ASTN1: variants seen among roughly 807,000 people sequenced by gnomAD.
ASTN1 encodes astrotactin 1.
Under a neutral mutation model 140.7 loss-of-function variants are expected in ASTN1, and 41 were observed. The ratio of observed to expected loss-of-function variants is 0.29; its 90% CI spans 0.23 to 0.38. ASTN1 has a LOEUF of 0.38. Among genes scored for constraint, ASTN1 ranks in the 10% least tolerant of loss-of-function variants. ASTN1 has a pLI of 1.00. For missense variants in ASTN1, 1,479 were observed against 1,678.8 expected, an observed-to-expected ratio of 0.88 and a Z score of 2.08; for synonymous variants, 640 against 652.2, an observed-to-expected ratio of 0.98 and a Z score of 0.29.
Position 177,111,345 on chromosome 1 carries a change from A to G in ASTN1, c.284-50080T>C, listed in dbSNP as rs539409481. The stretch of plus-strand genomic sequence containing the variant: ...AATTGAGAGAGGCAATACCGATGTC[A>G]CCTAAAGCAGTGCTTCTCAGTCTTT... On this transcript the variant is annotated intron_variant, in intron 1 of 22. Transcript: ENST00000361833. 2.6e-5 allele frequency among the ~76,000 whole-genome samples: 4 copies of G among 152,290 alleles called. No homozygotes were observed. In the East Asian group the frequency reaches 7.7e-4, roughly 29 times the overall value.
chr1:176,903,651 T>C (rs965822384), intron 16 of ASTN1, among the ~76,000 whole-genome samples: 1 of 152,212 alleles, frequency 6.6e-6, no homozygotes, highest in Non-Finnish European at 1.5e-5. Context: ...TCCTTTTTGA[T>C]TCACCAGATG....
chr1:177,005,865 T>C (rs1051718243), intron 8 of ASTN1, among the ~76,000 whole-genome samples: 1 of 152,232 alleles, frequency 6.6e-6, no homozygotes, highest in Non-Finnish European at 1.5e-5. Flanking sequence ...CGCCTTGACC[T>C]CCCAAAGCGC....
chr1:176,888,647 C>A (rs2103032529), intron 17 of ASTN1, among the ~76,000 whole-genome samples: 1 of 152,314 alleles, frequency 6.6e-6, no homozygotes, highest in South Asian at 2.1e-4. Flanking sequence ...CCAGTATTCC[C>A]TTTGCATTCC....
chr1:177,096,852 T>C (rs1465131016), intron 1 of ASTN1, among the ~76,000 whole-genome samples: 2 of 152,146 alleles, frequency 1.3e-5, no homozygotes, highest in Non-Finnish European at 2.9e-5. Flanking sequence ...CATAGTAGTA[T>C]GAAAATGGAC....
intron 1 of ASTN1, among the ~76,000 whole-genome samples, chr1:177,097,476 T>A (rs1680079813): frequency 6.6e-6 from 1 of 152,338 alleles, no homozygotes; most frequent in South Asian, 2.1e-4. Context: ...AGTATCAATT[T>A]CCTCATCTGA....
At chr1:176,972,364 T>G (rs1052817937) in intron 8 of ASTN1, among the ~76,000 whole-genome samples, 1 of 152,230 alleles carries the variant, frequency 6.6e-6, no homozygotes, top group Non-Finnish European at 1.5e-5. Flanking sequence ...GGTGGCCAGC[T>G]GCAGTCATTT....
intron 16 of ASTN1, among the ~76,000 whole-genome samples, chr1:176,915,765 G>C (rs972439742): frequency 2.0e-5 from 3 of 152,144 alleles, no homozygotes; most frequent in Non-Finnish European, 4.4e-5. Flanking sequence ...AGGAGAGGGA[G>C]GGCACGATAA....
At chr1:176,904,461 A>G (rs931088828) in intron 16 of ASTN1, among the ~76,000 whole-genome samples, 3 of 152,114 alleles carry the variant, frequency 2.0e-5, no homozygotes, top group African/African-American at 7.2e-5. Flanking sequence ...ACAGAGCAGC[A>G]TGGGGAGAGG....
At position 176,861,733 on chromosome 1, in the gene ASTN1, A is replaced by G. The variant is rs1667969588; in HGVS notation, c.*2551T>C. The G allele has an allele frequency of 3.0e-6, 3 of 985,494 alleles. No homozygotes were observed. Among genetic ancestry groups the G allele is most frequent in the Non-Finnish European group, 3.6e-6 (3 of 830,004 alleles). The allele number at this position is 985,494 out of a possible 1,614,324, so 61.0% of individuals were successfully genotyped here. On this transcript the variant is annotated 3_prime_UTR_variant, in exon 23 of 23. Transcript: ENST00000361833. ...ACACACATTCAGTGGGGAGAACTCA[A>G]CGAGAAACAGGAGGAAGAAAGTCTT...
chr1:176,940,013 G>T lies in ASTN1; in HGVS notation c.2378-3643C>A, dbSNP rs139729800. ...TGAAGCCAAGAGTCCATCCCCTTTG[G>T]ATGAACTTTAAAAAATTCTGAAGAG... On this transcript the variant is annotated intron_variant, in intron 14 of 22. Coordinates refer to ENST00000361833, the MANE Select transcript of ASTN1 (RefSeq NM_004319.3). 3.2e-3 allele frequency among the ~76,000 whole-genome samples: 480 copies of T among 152,120 alleles called. 2 individuals carry two copies. The highest frequency in any genetic ancestry group is 0.011 in the African/African-American group (459 of 41,472).
At chr1:177,041,994 A>G (rs555975465) in intron 2 of ASTN1, among the ~76,000 whole-genome samples, 3 of 152,362 alleles carry the variant, frequency 2.0e-5, no homozygotes, top group African/African-American at 7.2e-5. Flanking sequence ...TAAACAGCCT[A>G]TAACATAGTT....
intron 1 of ASTN1, among the ~76,000 whole-genome samples, chr1:177,085,202 C>G (rs1292344611): frequency 6.6e-6 from 1 of 152,182 alleles, no homozygotes; most frequent in African/African-American, 2.4e-5. Context: ...TGCTCCTAAT[C>G]ATCTAAATAT....
intron 1 of ASTN1, among the ~76,000 whole-genome samples, chr1:177,109,353 T>G (rs1057270119): frequency 6.6e-6 from 1 of 152,080 alleles, no homozygotes; most frequent in Non-Finnish European, 1.5e-5. Context: ...TTGTGATAAA[T>G]TGTTAGAAGA....
At chr1:176,946,252 A>G (rs945834528) in intron 12 of ASTN1, 132 bp from the exon 13 acceptor site, 1 of 901,346 alleles carries the variant, frequency 1.1e-6, no homozygotes, top group South Asian at 2.5e-5. Context: ...TCCAAGTTAT[A>G]TTCCAATTTG....
chr1:176,947,727 C>A (rs1672015274), intron 12 of ASTN1, among the ~76,000 whole-genome samples: 1 of 152,164 alleles, frequency 6.6e-6, no homozygotes, highest in Non-Finnish European at 1.5e-5. Context: ...CCTTGAACAT[C>A]TGGACAGCTT....
Position 176,894,644 on chromosome 1 carries a change from T to C in ASTN1, c.2858A>G (p.Asp953Gly). ...CPLCHVTSSPDTPAEPVLLEV... is the reference protein window; with the variant it reads ...CPLCHVTSSPGTPAEPVLLEV... ...CAGCAGAACCGGCTCAGCAGGGGTG[T>C]CAGGGCTGGATGTCACATGACACAG... Residue 953 changes from aspartate to glycine, a missense_variant, in exon 17 of 23, where the codon GAC becomes GGC. Physicochemically the swap from Asp to Gly is moderately conservative, Grantham distance 94. Transcript: ENST00000361833. 1 of 1,613,958 alleles carries C rather than the reference T, an allele frequency of 6.2e-7. No individual in the cohort carries two copies. The highest frequency in any genetic ancestry group is 1.1e-5 in the South Asian group (1 of 91,064).
At position 177,113,899 on chromosome 1, in the gene ASTN1, G is replaced by A. The variant is rs530340160; in HGVS notation, c.283+50495C>T. Among the ~76,000 whole-genome samples the A allele has an allele frequency of 1.4e-4, 21 of 152,294 alleles. No homozygotes were observed. The South Asian group carries it at 2.5e-3, about 18-fold the overall frequency. ...TTTAAAAGACATATGTCTCTACATA[G>A]CAGGGAGTAAACTTGATATACTAGC... On this transcript the variant is annotated intron_variant, in intron 1 of 22. Coordinates refer to ENST00000361833, the MANE Select transcript of ASTN1 (RefSeq NM_004319.3).
At chr1:177,126,056 T>G (rs1681630794) in intron 1 of ASTN1, among the ~76,000 whole-genome samples, 1 of 152,244 alleles carries the variant, frequency 6.6e-6, no homozygotes, top group African/African-American at 2.4e-5. Context: ...GTGTTTAATC[T>G]GTCCTTACAT....
intron 16 of ASTN1, among the ~76,000 whole-genome samples, chr1:176,933,771 T>G (rs1671314772): frequency 1.3e-5 from 2 of 152,292 alleles, no homozygotes; most frequent in Non-Finnish European, 2.9e-5. Context: ...CAGGCAGAGT[T>G]GGGTGTGACT....
Sources: allele counts gnomAD v4.1 joint callset (sites outside exome capture counted in the v4.1 genomes callset), GRCh38; gene constraint gnomAD v4.1.1; transcripts MANE v1.5; gene names NCBI Gene and HGNC (gene_info 2026-07-23, HGNC 2026-07-21).